The following FIGN variants were observed in gnomAD, a reference collection of about 807,000 sequenced individuals.
FIGN encodes the protein fidgetin, microtubule severing factor.
In FIGN, 11 loss-of-function variants were observed where a neutral mutation model predicts 51.3. The observed-to-expected ratio is 0.21, with a 90% confidence interval of 0.13 to 0.35. The LOEUF (loss-of-function observed/expected upper bound fraction) is 0.35, where lower values mean the gene tolerates loss of function less well. Among genes scored for constraint, FIGN ranks in the 10% least tolerant of loss-of-function variants. The pLI is 1.00. For synonymous variants in FIGN, 407 were observed against 363.2 expected, an observed-to-expected ratio of 1.12 and a Z score of -1.37; for missense variants, 857 against 943.6, an observed-to-expected ratio of 0.91 and a Z score of 1.20.
intron 2 of FIGN, among the ~76,000 whole-genome samples, chr2:163,658,302 C>T (rs1182306948): frequency 2.7e-5 from 4 of 150,722 alleles, no homozygotes; most frequent in South Asian, 2.1e-4. Context: ...ATCTGGCCTC[C>T]GGGGCACATG....
intron 2 of FIGN, among the ~76,000 whole-genome samples, chr2:163,700,530 G>A (rs1034366176): frequency 8.5e-5 from 13 of 152,154 alleles, no homozygotes; most frequent in African/African-American, 3.1e-4. Context: ...GATGAGAGAA[G>A]ATGAAATCCA....
intron 2 of FIGN, among the ~76,000 whole-genome samples, chr2:163,709,976 T>C (rs982998042): frequency 6.6e-6 from 1 of 152,164 alleles, no homozygotes; most frequent in Non-Finnish European, 1.5e-5. Flanking sequence ...CAAATATTAA[T>C]TGAATAAGAA....
At chr2:163,676,501 C>T (rs13015758) in intron 2 of FIGN, among the ~76,000 whole-genome samples, 22 of 125,234 alleles carry the variant, frequency 1.8e-4, no homozygotes, top group Admixed American at 9.1e-4. Flanking sequence ...TCTGTGCACC[C>T]GAATCTGAGA....
At chr2:163,638,775 C>T (rs892771196) in intron 2 of FIGN, among the ~76,000 whole-genome samples, 9 of 152,104 alleles carry the variant, frequency 5.9e-5, no homozygotes, top group Admixed American at 5.9e-4. Context: ...ATTTCCTAAT[C>T]ATACTAATAT....
intron 2 of FIGN, among the ~76,000 whole-genome samples, chr2:163,672,352 T>C (rs903393335): frequency 3.9e-5 from 6 of 152,112 alleles, no homozygotes; most frequent in African/African-American, 7.2e-5. Context: ...TGTAACTCTA[T>C]GATATAAGCT....
At chr2:163,640,967 G>C (rs2105316325) in intron 2 of FIGN, among the ~76,000 whole-genome samples, 1 of 152,252 alleles carries the variant, frequency 6.6e-6, no homozygotes, top group South Asian at 2.1e-4. Context: ...CAGTGGGCTG[G>C]AAACCCACAG....
intron 2 of FIGN, among the ~76,000 whole-genome samples, chr2:163,702,949 C>T (rs1299114236): frequency 6.6e-6 from 1 of 151,712 alleles, no homozygotes; most frequent in African/African-American, 2.4e-5. Context: ...TTTCCTTTGC[C>T]CCATACTAAA....
intron 2 of FIGN, among the ~76,000 whole-genome samples, chr2:163,715,274 G>A (rs1420316747): frequency 1.3e-5 from 2 of 152,170 alleles, no homozygotes; most frequent in Non-Finnish European, 2.9e-5. Context: ...CTGACCCTCT[G>A]TATCTTGGAG....
At chr2:163,648,254 T>C (rs999993465) in intron 2 of FIGN, among the ~76,000 whole-genome samples, 6 of 152,286 alleles carry the variant, frequency 3.9e-5, no homozygotes, top group Non-Finnish European at 7.3e-5. Flanking sequence ...TAATTTTATT[T>C]TGGGTTGCTA....
chr2:163,610,470 G>A lies in FIGN; in HGVS notation c.1362C>T (p.Asn454=). The part of the protein sequence containing the change: ...GPGLRAATSS[N]HSVDEQLKNT... ...TCTTCAGTTGCTCGTCCACAGAGTG[G>A]TTGGATGAGGTAGCTGCACGGAGTC... Residue 454 remains asparagine (N), a synonymous_variant, in exon 3 of 3, where the codon AAC becomes AAT. Transcript: ENST00000333129. 1 of 1,614,162 alleles carries A rather than the reference G, an allele frequency of 6.2e-7. No individual in the cohort carries two copies. The highest frequency in any genetic ancestry group is 8.5e-7 in the Non-Finnish European group (1 of 1,180,032).
At chr2:163,661,072 C>CAGGG (rs1683671660) in intron 2 of FIGN, among the ~76,000 whole-genome samples, 1 of 146,498 alleles carries the variant, frequency 6.8e-6, no homozygotes, top group East Asian at 2.0e-4. Context: ...TTAGTAGAGA[C>CAGGG]AGGGTTTCAC....
rs370761677 is a variant in FIGN, at chr2:163,660,858, C to T, written c.26-49052G>A. 1.3e-4 allele frequency among the ~76,000 whole-genome samples: 3 copies of T among 23,410 alleles called. 1 individual carries two copies. The highest frequency in any genetic ancestry group is 1.5e-3 in the Admixed American group (2 of 1,304). 15.4% of individuals were successfully genotyped at this position (23,410 alleles called of 152,430 possible). On this transcript the variant is annotated intron_variant, in intron 2 of 2. Transcript: ENST00000333129. ...ACATATATACATATATATATGTATA[C>T]ATATATATATATATATATATATTTT...
At chr2:163,663,950 G>A (rs1573935821) in intron 2 of FIGN, among the ~76,000 whole-genome samples, 1 of 152,054 alleles carries the variant, frequency 6.6e-6, no homozygotes, top group Non-Finnish European at 1.5e-5. Context: ...GACGACTTAC[G>A]AGTTTTAACA....
intron 2 of FIGN, among the ~76,000 whole-genome samples, chr2:163,651,418 T>G (rs1683473884): frequency 6.6e-6 from 1 of 152,138 alleles, no homozygotes; most frequent in Admixed American, 6.5e-5. Context: ...ATCAAGCCAC[T>G]GCACTCCAGC....
chr2:163,720,648 G>T (rs2105362642), intron 2 of FIGN, among the ~76,000 whole-genome samples: 1 of 152,186 alleles, frequency 6.6e-6, no homozygotes, highest in Non-Finnish European at 1.5e-5. Context: ...GCACCACTTA[G>T]TTAAGAATCT....
intron 2 of FIGN, among the ~76,000 whole-genome samples, chr2:163,711,656 A>AC (rs1443291803): frequency 1.5e-5 from 1 of 66,532 alleles, no homozygotes; most frequent in African/African-American, 5.4e-5. Flanking sequence ...TATTGTTTCT[A>AC]CAAAAAAAAA....
chr2:163,715,492 G>A (rs978303940), intron 2 of FIGN, among the ~76,000 whole-genome samples: 1 of 152,164 alleles, frequency 6.6e-6, no homozygotes, highest in Non-Finnish European at 1.5e-5. Context: ...CTCAGGAATG[G>A]ACTCTGACAG....
intron 2 of FIGN, among the ~76,000 whole-genome samples, chr2:163,693,450 C>A (rs1277681087): frequency 6.6e-6 from 1 of 152,124 alleles, no homozygotes; most frequent in Non-Finnish European, 1.5e-5. Flanking sequence ...TATAAAGACT[C>A]ATGAGTGAAT....
chr2:163,699,419 G>A (rs1684373143), intron 2 of FIGN, among the ~76,000 whole-genome samples: 1 of 152,030 alleles, frequency 6.6e-6, no homozygotes, highest in South Asian at 2.1e-4. Flanking sequence ...TTACCCTCTG[G>A]AAGTATGTTA....
Sources: gnomAD v4.1 joint callset for allele counts (sites outside exome capture counted in the v4.1 genomes callset) on GRCh38, gnomAD v4.1.1 for gene constraint, MANE v1.5 for transcripts, NCBI Gene and HGNC (gene_info 2026-07-23, HGNC 2026-07-21) for gene names.